The following FLVCR1 variants were observed in gnomAD, a reference collection of about 807,000 sequenced individuals.
FLVCR1 encodes choline/ethanolamine transporter FLVCR1.
A neutral mutation model predicts 53.6 loss-of-function variants in FLVCR1; 34 were observed. The ratio of observed to expected loss-of-function variants is 0.63; its 90% CI spans 0.48 to 0.84. The LOEUF (loss-of-function observed/expected upper bound fraction) is 0.84. Among genes scored for constraint, FLVCR1 ranks in the 40% least tolerant of loss-of-function variants. The pLI, the probability that FLVCR1 is intolerant of heterozygous loss-of-function variation, is 0.00. For missense variants in FLVCR1, 677 were observed against 696.7 expected (o/e 0.97, Z 0.32); for synonymous variants, 300 against 286.3 (o/e 1.05, Z -0.48).
intron 3 of FLVCR1, among the ~76,000 whole-genome samples, chr1:212,881,189 A>G (rs527540151): frequency 1.3e-5 from 2 of 152,314 alleles, no homozygotes; most frequent in South Asian, 4.1e-4. Context: ...TCTACATCAT[A>G]CCATGCATAA....
intron 8 of FLVCR1, among the ~76,000 whole-genome samples, chr1:212,890,674 G>A (rs753683253): frequency 6.6e-6 from 1 of 152,188 alleles, no homozygotes; most frequent in Non-Finnish European, 1.5e-5. Flanking sequence ...GATACCAAGG[G>A]AGGTTGTGCT....
At chr1:212,867,126 C>T (rs1463856367) in intron 2 of FLVCR1, among the ~76,000 whole-genome samples, 1 of 152,246 alleles carries the variant, frequency 6.6e-6, no homozygotes, top group African/African-American at 2.4e-5. Flanking sequence ...CGCAACGTGA[C>T]ATGTACTAAA....
At chr1:212,893,506 C>T (rs1318857396) in intron 8 of FLVCR1, among the ~76,000 whole-genome samples, 2 of 152,122 alleles carry the variant, frequency 1.3e-5, no homozygotes, top group Non-Finnish European at 2.9e-5. Flanking sequence ...AGGATCAACT[C>T]CTGTTTTGAG....
intron 2 of FLVCR1, among the ~76,000 whole-genome samples, chr1:212,867,674 CAT>C (rs1207727466): frequency 7.2e-5 from 11 of 152,090 alleles, no homozygotes; most frequent in East Asian, 3.8e-4. Flanking sequence ...TCATTTAACT[CAT>C]GTGTCAATTA....
rs772386764 is a variant in FLVCR1, at chr1:212,896,423, CAG to C, written c.*1136_*1137del. 6.6e-6 allele frequency: 1 copy of C among 152,112 alleles called. No homozygotes were observed. The highest frequency in any genetic ancestry group is 2.4e-5 in the African/African-American group (1 of 41,394). 9.4% of individuals were successfully genotyped at this position (152,112 alleles called of 1,614,324 possible). On this transcript the variant is annotated 3_prime_UTR_variant, in exon 10 of 10. Transcript: ENST00000366971. ...GGAGAGTGGATTCTTTTCTTCACTG[CAG>C]AGTCATCACACTGTTAGAATAGTCT...
chr1:212,863,340 C>T (rs997989165), intron 1 of FLVCR1, among the ~76,000 whole-genome samples: 17 of 152,100 alleles, frequency 1.1e-4, no homozygotes, highest in African/African-American at 3.9e-4. Flanking sequence ...GCCTGTAATC[C>T]CAGCACTTTG....
chr1:212,859,772 G>A (rs1486453579), intron 1 of FLVCR1, among the ~76,000 whole-genome samples: 1 of 151,998 alleles, frequency 6.6e-6, no homozygotes, highest in Non-Finnish European at 1.5e-5. Flanking sequence ...TAACTGTATT[G>A]GCTTGTGTAT....
chr1:212,893,581 A>G (rs942375816), intron 8 of FLVCR1, among the ~76,000 whole-genome samples: 3 of 152,132 alleles, frequency 2.0e-5, no homozygotes, highest in Non-Finnish European at 4.4e-5. Context: ...CATGAAAGGA[A>G]GAGTTGATTA....
At chr1:212,892,145 T>C (rs971302069) in intron 8 of FLVCR1, among the ~76,000 whole-genome samples, 1 of 152,244 alleles carries the variant, frequency 6.6e-6, no homozygotes, top group Non-Finnish European at 1.5e-5. Context: ...CAGCAAGTGC[T>C]GATGTAGATG....
At position 212,863,766 on chromosome 1, in the gene FLVCR1, A is replaced by C. The variant is rs1287702815; in HGVS notation, c.780A>C (p.Val260=). ...GCTTTTTGCTACCACCAGTTTTAGT[A>C]CCCAACACACAGAATGACACAAATC... The part of the protein sequence containing the change: ...AVGFLLPPVL[V]PNTQNDTNLL... The change falls in exon 2 of 10, where the codon GTA becomes GTC. Residue 260 remains valine (V), a synonymous_variant. Coordinates refer to ENST00000366971, the MANE Select transcript of FLVCR1 (RefSeq NM_014053.4). The C allele has an allele frequency of 1.2e-6, 2 of 1,613,968 alleles. No individual in the cohort carries two copies. The highest frequency in any genetic ancestry group is 3.3e-5 in the Admixed American group (2 of 60,010).
intron 3 of FLVCR1, among the ~76,000 whole-genome samples, chr1:212,875,372 A>G (rs1441617334): frequency 6.6e-6 from 1 of 152,222 alleles, no homozygotes; most frequent in Non-Finnish European, 1.5e-5. Flanking sequence ...GGGAAGCCCT[A>G]GGGATGGCCG....
At chr1:212,867,033 A>AGGGT (rs1664456032) in intron 2 of FLVCR1, among the ~76,000 whole-genome samples, 1 of 152,276 alleles carries the variant, frequency 6.6e-6, no homozygotes, top group Non-Finnish European at 1.5e-5. Context: ...AGGTGATTTT[A>AGGGT]CTTCTCTCTG....
intron 2 of FLVCR1, among the ~76,000 whole-genome samples, chr1:212,871,117 C>T (rs1457229323): frequency 6.6e-6 from 1 of 152,044 alleles, no homozygotes; most frequent in Admixed American, 6.6e-5. Flanking sequence ...TTGAGGTATA[C>T]CTTTTTCATG....
At chr1:212,886,252 A>G (rs1665062796) in intron 5 of FLVCR1, among the ~76,000 whole-genome samples, 1 of 151,590 alleles carries the variant, frequency 6.6e-6, no homozygotes, top group African/African-American at 2.4e-5. Context: ...CATGTTGCCC[A>G]GGCTGATTTT....
At chr1:212,869,557 T>C (rs1033630719) in intron 2 of FLVCR1, among the ~76,000 whole-genome samples, 1 of 152,216 alleles carries the variant, frequency 6.6e-6, no homozygotes, top group East Asian at 1.9e-4. Context: ...TTTCTTTTCA[T>C]TTTTGAGACA....
In FLVCR1 at chr1:212,861,961, C is replaced by T. The variant is rs376382745; in HGVS notation, c.739-1764C>T. Among the ~76,000 whole-genome samples, 583 of 152,144 alleles carry T rather than the reference C, an allele frequency of 3.8e-3. 5 individuals are homozygous for T. The highest frequency in any genetic ancestry group is 0.014 in the African/African-American group (562 of 41,508). On this transcript the variant is annotated intron_variant, in intron 1 of 9. Transcript: ENST00000366971. ...CTGGGATTACAGGTGTGAGCCACCGCGCCTGGCCTCTATCTAGCTTTTTGT... is the reference window on the plus strand; with the variant it reads ...CTGGGATTACAGGTGTGAGCCACCGTGCCTGGCCTCTATCTAGCTTTTTGT...
intron 1 of FLVCR1, 102 bp downstream of exon 1, chr1:212,859,292 T>C (rs1176230192): frequency 1.1e-5 from 17 of 1,544,526 alleles, no homozygotes; most frequent in Non-Finnish European, 1.5e-5. Flanking sequence ...CCCCAGGAGG[T>C]ATTTGTCTAT....
intron 4 of FLVCR1, 95 bp from the exon 5 acceptor site, chr1:212,885,198 T>C (rs992728848): frequency 4.5e-6 from 4 of 890,018 alleles, no homozygotes; most frequent in Non-Finnish European, 7.6e-6. Context: ...TTTTATCTAA[T>C]TATTTTCATT....
At chr1:212,880,928 A>AT in intron 3 of FLVCR1, among the ~76,000 whole-genome samples, 1 of 152,326 alleles carries the variant, frequency 6.6e-6, no homozygotes, top group South Asian at 2.1e-4. Flanking sequence ...TTACTCAAGG[A>AT]TACAGCCTGA....
Sources: allele counts gnomAD v4.1 joint callset (sites outside exome capture counted in the v4.1 genomes callset), GRCh38; gene constraint gnomAD v4.1.1; transcripts MANE v1.5; gene names NCBI Gene and HGNC (gene_info 2026-07-23, HGNC 2026-07-21).